Variants in VPS45 observed in about 807,000 individuals in gnomAD.
VPS45 encodes vacuolar protein sorting 45 homolog, also known as vacuolar protein sorting-associated protein 45.
VPS45 carries 35 observed loss-of-function variants against 75.9 expected under a neutral mutation model. That is an observed-to-expected ratio of 0.46 (90% CI 0.35 to 0.61). VPS45 has a LOEUF of 0.61. Ranked by LOEUF, VPS45 falls within the 20% of genes least tolerant of loss-of-function variation. VPS45 has a pLI of 0.00. For synonymous variants in VPS45, 220 were observed against 238.2 expected (o/e 0.92, Z 0.70); for missense variants, 559 against 685.9 (o/e 0.81, Z 2.07).
chr1:150,128,988 G>C (rs1658671819), intron 14 of VPS45, among the ~76,000 whole-genome samples: 1 of 108,752 alleles, frequency 9.2e-6, no homozygotes, highest in South Asian at 2.2e-4. Flanking sequence ...TGATCTGAGT[G>C]CTGGGATTAC....
Position 150,082,013 on chromosome 1 carries a change from A to G in VPS45, c.936+16A>G, listed in dbSNP as rs2101536193. 2.7e-6 allele frequency: 4 copies of G among 1,491,834 alleles called. No homozygotes were observed. Among genetic ancestry groups the G allele is most frequent in the Non-Finnish European group, 3.7e-6 (4 of 1,074,192 alleles). The allele number at this position is 1,491,834 out of a possible 1,614,324, so 92.4% of individuals were successfully genotyped here. A position where few individuals can be genotyped will look rare whatever the true frequency, so the allele number is the denominator to read the frequency against. On this transcript the variant is annotated intron_variant, in intron 9 of 14. Coordinates refer to ENST00000644510, the MANE Select transcript of VPS45 (RefSeq NM_007259.5). Reference sequence around the variant, plus strand: ...AGACATGAAGGTAAATTGAACATGTACATGAATGACAAACATGTGACAGTT... The same window carrying G: ...AGACATGAAGGTAAATTGAACATGTGCATGAATGACAAACATGTGACAGTT...
At position 150,075,875 on chromosome 1, in the gene VPS45, G is replaced by A. The variant is rs1023220157; in HGVS notation, c.290-358G>A. On this transcript the variant is annotated intron_variant, in intron 3 of 14. Transcript: ENST00000644510. ...TGCCATTCTCCTGTCTCAGCCTCCC[G>A]AGTAGCTGGGACTACAGGCGTCCGC... 7.9e-5 allele frequency among the ~76,000 whole-genome samples: 12 copies of A among 150,972 alleles called. 1 individual carries two copies. Among genetic ancestry groups the A allele is most frequent in the African/African-American group, 2.7e-4 (11 of 40,990 alleles).
chr1:150,114,324 A>G (rs1181087441), intron 14 of VPS45, among the ~76,000 whole-genome samples: 2 of 151,962 alleles, frequency 1.3e-5, no homozygotes, highest in Admixed American at 6.6e-5. Flanking sequence ...AAATGCAACA[A>G]TTAGCCAGGC....
chr1:150,085,897 A>G (rs1402331190), intron 10 of VPS45, among the ~76,000 whole-genome samples: 1 of 152,158 alleles, frequency 6.6e-6, no homozygotes, highest in African/African-American at 2.4e-5. Flanking sequence ...GAGATTTATT[A>G]ATTAGTAATG....
chr1:150,084,985 T>A (rs1353613161), intron 10 of VPS45, among the ~76,000 whole-genome samples: 1 of 152,134 alleles, frequency 6.6e-6, no homozygotes, highest in African/African-American at 2.4e-5. Context: ...TACCAGGGTC[T>A]TTACTGGGAC....
chr1:150,083,792 A>G (rs1655857810), intron 10 of VPS45, among the ~76,000 whole-genome samples: 3 of 151,846 alleles, frequency 2.0e-5, no homozygotes, highest in Admixed American at 1.3e-4. Context: ...TAGACTGGAA[A>G]GACTGACTGA....
intron 13 of VPS45, among the ~76,000 whole-genome samples, chr1:150,095,692 G>A (rs1330924190): frequency 1.3e-5 from 2 of 151,994 alleles, no homozygotes; most frequent in Non-Finnish European, 2.9e-5. Flanking sequence ...CAAAGGTCTT[G>A]AAGAAAGAGA....
chr1:150,138,863 C>T (rs1465179553), intron 14 of VPS45, among the ~76,000 whole-genome samples: 1 of 152,158 alleles, frequency 6.6e-6, no homozygotes, highest in East Asian at 1.9e-4. Context: ...CTCCGACTTC[C>T]CACCTCAGTG....
At chr1:150,123,593 G>C (rs1362868335) in intron 14 of VPS45, among the ~76,000 whole-genome samples, 1 of 152,172 alleles carries the variant, frequency 6.6e-6, no homozygotes, top group Non-Finnish European at 1.5e-5. Context: ...CGAGCATCTT[G>C]GTTTGGATTT....
Position 150,069,542 on chromosome 1 carries a change from C to T in VPS45, c.228+778C>T, listed in dbSNP as rs587598972. Among the ~76,000 whole-genome samples the T allele has an allele frequency of 2.7e-5, 4 of 146,950 alleles. No individual in the cohort carries two copies. In the East Asian group the frequency reaches 6.0e-4, roughly 22 times the overall value. On this transcript the variant is annotated intron_variant, in intron 2 of 14. Transcript: ENST00000644510. ...CGCAATCTCGGCTCACTGCAAGCTC[C>T]GCCTCCCGGGTTCACGCCATTCTCC...
intron 14 of VPS45, among the ~76,000 whole-genome samples, chr1:150,140,386 G>GGTGTGTGTGTGTGTGTGTGTGTGT (rs574312693): frequency 7.1e-6 from 1 of 140,344 alleles, no homozygotes; most frequent in Non-Finnish European, 1.5e-5. Context: ...CATCACTTCT[G>GGTGTGTGTGTGTGTGTGTGTGTGT]GTGTGTGTGT....
At chr1:150,098,294 T>A (rs587749771) in intron 13 of VPS45, among the ~76,000 whole-genome samples, 1 of 152,270 alleles carries the variant, frequency 6.6e-6, no homozygotes, top group South Asian at 2.1e-4. Flanking sequence ...TTATGTTTTG[T>A]TAATCTTTGG....
chr1:150,084,867 C>A (rs1474702284), intron 10 of VPS45, among the ~76,000 whole-genome samples: 2 of 152,072 alleles, frequency 1.3e-5, no homozygotes, highest in African/African-American at 4.8e-5. Flanking sequence ...AAATGCTTCA[C>A]ATGTAATAGG....
chr1:150,103,564 C>T (rs781948734), intron 13 of VPS45, among the ~76,000 whole-genome samples: 2 of 152,168 alleles, frequency 1.3e-5, no homozygotes, highest in Non-Finnish European at 2.9e-5. Context: ...CCACAGTTTA[C>T]CATCCGTGAC....
At chr1:150,099,998 A>C (rs1386363780) in intron 13 of VPS45, among the ~76,000 whole-genome samples, 1 of 152,224 alleles carries the variant, frequency 6.6e-6, no homozygotes, top group Non-Finnish European at 1.5e-5. Flanking sequence ...CAGAGCAATC[A>C]GGCAAGAGAT....
chr1:150,092,504 T>G, intron 12 of VPS45, 95 bp downstream of exon 12: 5 of 1,032,946 alleles, frequency 4.8e-6, no homozygotes, highest in Non-Finnish European at 7.0e-6. Flanking sequence ...ATCTTGAAGA[T>G]TGCTGCTAAT....
At chr1:150,097,086 C>CT (rs1295290692) in intron 13 of VPS45, among the ~76,000 whole-genome samples, 127,275 of 141,068 alleles carry the variant, frequency 0.9, 57,041 homozygotes, top group East Asian at 1. Context: ...TGTAACATTT[C>CT]TTTCTTTTTT....
chr1:150,144,673 G>T, intron 14 of VPS45, 36 bp from the exon 15 acceptor site: 2 of 1,569,966 alleles, frequency 1.3e-6, no homozygotes, highest in Non-Finnish European at 1.7e-6. Flanking sequence ...AGATGCTTTT[G>T]TTTTTTCCTT....
chr1:150,132,505 A>G (rs975781593), intron 14 of VPS45, among the ~76,000 whole-genome samples: 6 of 152,310 alleles, frequency 3.9e-5, no homozygotes, highest in Middle Eastern at 3.4e-3. Context: ...TGTCCAGTTG[A>G]TTATATTCAA....
Sources: allele counts gnomAD v4.1 joint callset (sites outside exome capture counted in the v4.1 genomes callset), GRCh38; gene constraint gnomAD v4.1.1; transcripts MANE v1.5; gene names NCBI Gene and HGNC (gene_info 2026-07-23, HGNC 2026-07-21).